The following SAXO2 variants were observed in gnomAD, a reference collection of about 807,000 sequenced individuals.
The protein encoded by SAXO2 is family with sequence similarity 154, member B.
In SAXO2, 17 loss-of-function variants were observed where a neutral mutation model predicts 18.7. The ratio of observed to expected loss-of-function variants is 0.91; its 90% CI spans 0.62 to 1.36. The LOEUF (loss-of-function observed/expected upper bound fraction) is 1.36. SAXO2 is among the 40% of genes most tolerant of loss of function. SAXO2 has a pLI of 0.00. For synonymous variants in SAXO2, 163 were observed against 181.2 expected (o/e 0.90, Z 0.81); for missense variants, 486 against 562.6 (o/e 0.86, Z 1.38).
At chr15:82,263,331 C>T (rs1447482579) in intron 1 of SAXO2, 23 of 903,822 alleles carry the variant, frequency 2.5e-5, no homozygotes, top group Non-Finnish European at 3.9e-5. Flanking sequence ...GAGTCTGCAA[C>T]CCATATCACA....
chr15:82,264,068 ATTT>A (rs397853729), intron 1 of SAXO2, among the ~76,000 whole-genome samples: 5 of 86,908 alleles, frequency 5.8e-5, no homozygotes, highest in Admixed American at 2.3e-4. Context: ...ATATGCATTG[ATTT>A]TTTTTTTTTT....
intron 3 of SAXO2, among the ~76,000 whole-genome samples, chr15:82,274,475 G>A (rs867484300): frequency 2.1e-4 from 32 of 151,892 alleles, no homozygotes; most frequent in African/African-American, 5.8e-4. Flanking sequence ...AGGCCAAGGC[G>A]GGTGAATCAC....
chr15:82,268,378 AAAAAC>A (rs1344938941), intron 2 of SAXO2, among the ~76,000 whole-genome samples: 8 of 152,222 alleles, frequency 5.3e-5, no homozygotes, highest in Non-Finnish European at 8.8e-5. Context: ...TAATAATTTA[AAAAAC>A]AAAACAAAAC....
intron 1 of SAXO2, 108 bp from the exon 2 acceptor site, chr15:82,265,461 A>T: frequency 6.7e-6 from 6 of 897,646 alleles, no homozygotes; most frequent in Non-Finnish European, 8.8e-6. Flanking sequence ...GTTTTTTAGT[A>T]AAGCTCTAGA....
chr15:82,265,290 C>T lies in SAXO2; in HGVS notation c.54-279C>T, dbSNP rs563655696. Among the ~76,000 whole-genome samples the T allele has an allele frequency of 9.2e-4, 140 of 152,182 alleles. 6 individuals are homozygous for T. The South Asian group carries it at 0.028, about 31-fold the overall frequency. On this transcript the variant is annotated intron_variant, in intron 1 of 3. Transcript: ENST00000682753. ...TGAGTAGCTGGGACTACAGGGTACC[C>T]GCCACCACGCCTGGCTAATTTTTTT...
At position 82,282,276 on chromosome 15, in the gene SAXO2, G is replaced by A. The variant is rs747943797; in HGVS notation, c.591G>A (p.Val197=). The change falls in exon 4 of 4, where the codon GTG becomes GTA. Residue 197 remains valine, a synonymous_variant. Coordinates refer to ENST00000682753, the MANE Select transcript of SAXO2 (RefSeq NM_001348699.2). ...KPRQSFKPSS[V]VKRSTAPFNG... The stretch of plus-strand genomic sequence containing the variant: ...GGCAAAGCTTTAAACCCTCCTCTGT[G>A]GTCAAACGTTCTACAGCCCCTTTTA... 3 of 1,613,958 alleles carry A rather than the reference G, an allele frequency of 1.9e-6. No individual in the cohort carries two copies. The highest frequency in any genetic ancestry group is 1.1e-5 in the South Asian group (1 of 91,068).
chr15:82,282,558 G>T lies in SAXO2; in HGVS notation c.873G>T (p.Glu291Asp), dbSNP rs761768985. The T allele has an allele frequency of 2.5e-6, 4 of 1,614,098 alleles. No individual in the cohort carries two copies. The highest frequency in any genetic ancestry group is 2.2e-5 in the East Asian group (1 of 44,878). ...AACCATGGGAAATCCCACCACCTGA[G>T]GTCAAGAAAGTACCAGAGTATGTGC... ...SFQPWEIPPP[E>D]VKKVPEYVPP... The change falls in exon 4 of 4, where the codon GAG (glutamate) becomes GAT (aspartate). Residue 291 changes from glutamate to aspartate, a missense_variant. Coordinates refer to ENST00000682753, the MANE Select transcript of SAXO2 (RefSeq NM_001348699.2).
rs1443844719 is a variant in SAXO2, at chr15:82,283,225, AT to A, written c.*169del. 1.4e-4 allele frequency: 65 copies of A among 453,194 alleles called. No homozygotes were observed. The highest frequency in any genetic ancestry group is 2.2e-4 in the African/African-American group (11 of 48,960). 28.1% of individuals were successfully genotyped at this position (453,194 alleles called of 1,614,324 possible). ...TATAAGAAATCAGAATCTTAAAACC[AT>A]TTTTTATTGATATTTTAATCAAGAT... is the stretch of plus-strand genomic sequence containing the variant. On this transcript the variant is annotated 3_prime_UTR_variant, in exon 4 of 4. Coordinates refer to ENST00000682753, the MANE Select transcript of SAXO2 (RefSeq NM_001348699.2).
Position 82,282,117 on chromosome 15 carries a change from A to G in SAXO2, c.434-2A>G. 2 of 1,564,746 alleles carry G rather than the reference A, an allele frequency of 1.3e-6. No individual in the cohort carries two copies. Among genetic ancestry groups the G allele is most frequent in the Non-Finnish European group, 8.6e-7 (1 of 1,159,824 alleles). On this transcript the variant is annotated splice_acceptor_variant, in intron 3 of 3. Coordinates refer to ENST00000682753, the MANE Select transcript of SAXO2 (RefSeq NM_001348699.2). LOFTEE classifies it high-confidence loss of function. ...TGTTTTTGCTTTGTTTTAATTTTCAAGACGATTATAGAGCTTGGGACCTTC... is the reference window on the plus strand; with the variant it reads ...TGTTTTTGCTTTGTTTTAATTTTCAGGACGATTATAGAGCTTGGGACCTTC...
Position 82,282,996 on chromosome 15 carries a change from C to T in SAXO2, c.1311C>T (p.Phe437=), listed in dbSNP as rs762093678. Residue 437 remains phenylalanine, a synonymous_variant, in exon 4 of 4, where the codon TTC becomes TTT. Transcript: ENST00000682753. ...ATCCCTCTCCTCCAGGTTATATTTT[C>T]GACAATACAAATTCCCAAGGTCATA... ...ASYPSPPGYI[F]DNTNSQGHKF... is the part of the protein sequence containing the mutation. 4.1e-5 allele frequency: 66 copies of T among 1,613,786 alleles called. No individual in the cohort carries two copies. Among genetic ancestry groups the T allele is most frequent in the Middle Eastern group, 1.6e-4 (1 of 6,082 alleles).
intron 2 of SAXO2, among the ~76,000 whole-genome samples, chr15:82,267,092 A>G (rs1483124420): frequency 6.6e-6 from 1 of 152,244 alleles, no homozygotes; most frequent in African/African-American, 2.4e-5. Context: ...TATCTGAGAT[A>G]GGTGTCAGTT....
At chr15:82,267,306 C>T (rs1182128348) in intron 2 of SAXO2, among the ~76,000 whole-genome samples, 1 of 152,136 alleles carries the variant, frequency 6.6e-6, no homozygotes, top group Non-Finnish European at 1.5e-5. Flanking sequence ...AGGGAGCTTG[C>T]AGGTCATATG....
chr15:82,271,645 T>C lies in SAXO2; in HGVS notation c.276T>C (p.His92=). 4 of 1,613,926 alleles carry C rather than the reference T, an allele frequency of 2.5e-6. No homozygotes were observed. Among genetic ancestry groups the C allele is most frequent in the Non-Finnish European group, 2.5e-6 (3 of 1,179,848 alleles). Residue 92 remains histidine (H), a synonymous_variant, in exon 3 of 4, where the codon CAT becomes CAC. Coordinates refer to ENST00000682753, the MANE Select transcript of SAXO2 (RefSeq NM_001348699.2). ...ATGAAATAGTTAAACAGCCTCGCCA[T>C]GTGCCAGAAGAATATAAACCAAAAC... ...CPYEIVKQPR[H]VPEEYKPKQG...
chr15:82,268,529 C>T (rs556296854), intron 2 of SAXO2, among the ~76,000 whole-genome samples: 2 of 152,304 alleles, frequency 1.3e-5, no homozygotes, highest in South Asian at 4.1e-4. Flanking sequence ...TTCTAAGAGT[C>T]ATAATCTAGG....
chr15:82,264,669 A>G (rs2075195894), intron 1 of SAXO2: 2 of 702,228 alleles, frequency 2.8e-6, no homozygotes, highest in African/African-American at 1.7e-5. Flanking sequence ...AAATTTTACC[A>G]CAGACCAGGA....
At position 82,283,067 on chromosome 15, in the gene SAXO2, CA is replaced by C. The variant is rs1567096594; in HGVS notation, c.*9del. On this transcript the variant is annotated 3_prime_UTR_variant, in exon 4 of 4. Transcript: ENST00000682753. ...CCTGCAGTGAAGGCCTTCTAATAAC[CA>C]AAATGTGCTTAAAAGGAAGGTACTA... 6.3e-7 allele frequency: 1 copy of C among 1,577,490 alleles called. No homozygotes were observed. The highest frequency in any genetic ancestry group is 1.9e-5 in the Admixed American group (1 of 54,048).
intron 3 of SAXO2, among the ~76,000 whole-genome samples, chr15:82,278,396 C>A (rs1207483549): frequency 6.6e-6 from 1 of 152,082 alleles, no homozygotes; most frequent in East Asian, 1.9e-4. Context: ...TCCTAAGCTT[C>A]AAATATACAA....
chr15:82,283,040 T>C lies in SAXO2; in HGVS notation c.1355T>C (p.Ile452Thr), dbSNP rs1253059714. ...GGTCATAAATTCTTCCGCAAGATTATTCCTGCAGTGAAGGCCTTCTAATAA... is the reference window on the plus strand; with the variant it reads ...GGTCATAAATTCTTCCGCAAGATTACTCCTGCAGTGAAGGCCTTCTAATAA... ...SQGHKFFRKI[I>T]PAVKAF The change falls in exon 4 of 4, where the codon ATT becomes ACT. Residue 452 changes from isoleucine to threonine, a missense_variant. By Grantham distance (89) the Ile-to-Thr change is moderately conservative (BLOSUM62 -1). Transcript: ENST00000682753. 2 of 1,612,348 alleles carry C rather than the reference T, an allele frequency of 1.2e-6. No individual in the cohort carries two copies. Among genetic ancestry groups the C allele is most frequent in the Non-Finnish European group, 1.7e-6 (2 of 1,179,282 alleles).
intron 1 of SAXO2, chr15:82,264,837 G>T (rs1258142494): frequency 1.5e-6 from 1 of 681,622 alleles, no homozygotes; most frequent in African/African-American, 1.8e-5. Context: ...CCAATCTCTT[G>T]TTGCCTCTAT....
Sources: allele counts gnomAD v4.1 joint callset (sites outside exome capture counted in the v4.1 genomes callset), GRCh38; gene constraint gnomAD v4.1.1; transcripts MANE v1.5; gene names NCBI Gene and HGNC (gene_info 2026-07-23, HGNC 2026-07-21).